SCUBE1: variants seen among roughly 807,000 people sequenced by gnomAD.
The protein encoded by SCUBE1 is signal peptide, CUB and EGF-like domain-containing protein 1.
Under a neutral mutation model 124.4 loss-of-function variants are expected in SCUBE1, and 59 were observed. The ratio of observed to expected loss-of-function variants is 0.47; its 90% CI spans 0.38 to 0.59. The LOEUF (loss-of-function observed/expected upper bound fraction) is 0.59. Among genes scored for constraint, SCUBE1 ranks in the 20% least tolerant of loss-of-function variants. The pLI, the probability that SCUBE1 is intolerant of heterozygous loss-of-function variation, is 0.00. For synonymous variants in SCUBE1, 545 were observed against 550.9 expected (o/e 0.99, Z 0.15); for missense variants, 1,150 against 1,371.2 (o/e 0.84, Z 2.55).
chr22:43,304,670 A>G (rs1483472125), intron 3 of SCUBE1, among the ~76,000 whole-genome samples: 1 of 152,092 alleles, frequency 6.6e-6, no homozygotes, highest in Non-Finnish European at 1.5e-5. Context: ...CATTTGACAG[A>G]GACTGCCTTT....
intron 6 of SCUBE1, among the ~76,000 whole-genome samples, chr22:43,254,775 G>A (rs1344549413): frequency 6.6e-6 from 1 of 152,250 alleles, no homozygotes; most frequent in African/African-American, 2.4e-5. Context: ...CAAAACAGCA[G>A]AACCGACTGA....
intron 2 of SCUBE1, among the ~76,000 whole-genome samples, chr22:43,321,091 CA>C (rs1463760690): frequency 6.6e-6 from 1 of 152,212 alleles, no homozygotes; most frequent in Non-Finnish European, 1.5e-5. Context: ...GTGTCCCCCA[CA>C]GGGGAACTGG....
At chr22:43,230,456 G>A (rs891289325) in intron 8 of SCUBE1, among the ~76,000 whole-genome samples, 2 of 152,110 alleles carry the variant, frequency 1.3e-5, no homozygotes, top group African/African-American at 4.8e-5. Flanking sequence ...AGATACAGGT[G>A]GGGGTGGGGC....
rs1230514611 is a variant in SCUBE1 at position 43,198,428 on chromosome 22, C to T, written c.*5569G>A. 2.5e-6 allele frequency: 1 copy of T among 401,196 alleles called. No homozygotes were observed. The highest frequency in any genetic ancestry group is 5.1e-6 in the Non-Finnish European group (1 of 197,316). 24.9% of individuals were successfully genotyped at this position (401,196 alleles called of 1,614,324 possible). A position where few individuals can be genotyped will look rare whatever the true frequency, so the allele number is the denominator to read the frequency against. ...CCTGATGTCCTTTCCAAGAGCAAGG[C>T]AGGTGGGATCAGGCCAACCCCAGCT... On this transcript the variant is annotated 3_prime_UTR_variant, in exon 22 of 22. Coordinates refer to ENST00000360835, the MANE Select transcript of SCUBE1 (RefSeq NM_173050.5).
chr22:43,224,135 C>T (rs1922212949), intron 10 of SCUBE1, among the ~76,000 whole-genome samples: 1 of 152,230 alleles, frequency 6.6e-6, no homozygotes, highest in African/African-American at 2.4e-5. Flanking sequence ...GAGGTTCCTC[C>T]AAGATTGTTT....
At chr22:43,261,518 T>TG (rs1038044974) in intron 5 of SCUBE1, among the ~76,000 whole-genome samples, 10 of 152,142 alleles carry the variant, frequency 6.6e-5, no homozygotes, top group African/African-American at 2.4e-4. Context: ...GGGAAAGGTA[T>TG]GGCAAGGCAC....
At chr22:43,339,327 C>T (rs1447353072) in intron 1 of SCUBE1, 92 bp from the exon 2 acceptor site, 2 of 1,304,350 alleles carry the variant, frequency 1.5e-6, no homozygotes, top group Non-Finnish European at 2.1e-6. Context: ...CTTGCCTTTG[C>T]CCGTCCATTG....
intron 2 of SCUBE1, among the ~76,000 whole-genome samples, chr22:43,337,774 C>G (rs1927132619): frequency 1.3e-5 from 2 of 152,204 alleles, no homozygotes; most frequent in Admixed American, 1.3e-4. Context: ...GCATCGCCCA[C>G]AAAACTCTAG....
At chr22:43,280,542 CCTGTCCCTTCCCCTCACCCATCCTG>C (rs1569009559) in intron 4 of SCUBE1, among the ~76,000 whole-genome samples, 2 of 69,746 alleles carry the variant, frequency 2.9e-5, no homozygotes, top group Non-Finnish European at 5.1e-5. Flanking sequence ...CACCCATCCT[CCTGTCCCTTCCCCTCACCCATCCTG>C]CTGTCCCTTC....
intron 4 of SCUBE1, among the ~76,000 whole-genome samples, chr22:43,265,334 T>C (rs1924022112): frequency 6.6e-6 from 1 of 152,212 alleles, no homozygotes; most frequent in African/African-American, 2.4e-5. Flanking sequence ...GACTATGGAC[T>C]GCAGTAACCC....
At chr22:43,214,051 A>ACCCCCCCC in intron 16 of SCUBE1, 39 bp downstream of exon 16, 3 of 137,778 alleles carry the variant, frequency 2.2e-5, no homozygotes, top group South Asian at 9.4e-5. Context: ...GCCCCCGCCC[A>ACCCCCCCC]CCCCCCACCC....
chr22:43,319,455 T>A (rs1926465912), intron 3 of SCUBE1, among the ~76,000 whole-genome samples: 2 of 143,320 alleles, frequency 1.4e-5, no homozygotes, highest in Non-Finnish European at 3.0e-5. Flanking sequence ...CCCAGCTACT[T>A]GGGAGGCTGA....
intron 6 of SCUBE1, among the ~76,000 whole-genome samples, chr22:43,247,368 C>T (rs978380918): frequency 2.2e-4 from 34 of 152,298 alleles, no homozygotes; most frequent in African/African-American, 7.2e-4. Flanking sequence ...GACTGAACCC[C>T]GGTCTGACTC....
Position 43,218,262 on chromosome 22 carries a change from G to A in SCUBE1, c.1884C>T (p.Ser628=). The part of the protein sequence containing the change: ...ACGAGQVLQD[S]KCVACGPGTH... ...CCATGGGCAAGGACTCACCGCATTT[G>A]CTGTCCTGTAGCACCTGGCCTGCGC... is the stretch of plus-strand genomic sequence containing the variant. The change falls in exon 15 of 22, where the codon AGC becomes AGT. Residue 628 remains serine (S), a synonymous_variant. Coordinates refer to ENST00000360835, the MANE Select transcript of SCUBE1 (RefSeq NM_173050.5). 1 of 1,612,968 alleles carries A rather than the reference G, an allele frequency of 6.2e-7. No homozygotes were observed. Among genetic ancestry groups the A allele is most frequent in the South Asian group, 1.1e-5 (1 of 91,076 alleles).
chr22:43,248,330 C>A (rs1390009160), intron 6 of SCUBE1, among the ~76,000 whole-genome samples: 1 of 152,170 alleles, frequency 6.6e-6, no homozygotes, highest in African/African-American at 2.4e-5. Flanking sequence ...GGCCACAGCC[C>A]CTCTAGGCTT....
Position 43,231,874 on chromosome 22 carries a change from G to A in SCUBE1, c.846C>T (p.Asp282=). The change falls in exon 8 of 22, where the codon GAC becomes GAT. Residue 282 remains aspartate, a splice_region_variant and synonymous_variant. Transcript: ENST00000360835. The stretch of plus-strand genomic sequence containing the variant: ...CGTTGTTGACCAGGCACTCGTTGAT[G>A]TCTGTGGGAGCCAAGGGGGATGGAG... ...TLQPDGKTCK[D]INECLVNNGG... 2.5e-6 allele frequency: 4 copies of A among 1,612,956 alleles called. 1 individual carries two copies. Among genetic ancestry groups the A allele is most frequent in the South Asian group, 2.2e-5 (2 of 91,072 alleles).
At chr22:43,307,771 C>T (rs981368546) in intron 3 of SCUBE1, among the ~76,000 whole-genome samples, 21 of 152,198 alleles carry the variant, frequency 1.4e-4, no homozygotes, top group African/African-American at 4.6e-4. Flanking sequence ...TGCTATAAAC[C>T]CCACAGCATC....
At chr22:43,286,865 C>G (rs1157529482) in intron 4 of SCUBE1, among the ~76,000 whole-genome samples, 1 of 152,244 alleles carries the variant, frequency 6.6e-6, no homozygotes, top group East Asian at 1.9e-4. Context: ...ACCCTTTCTA[C>G]TCCCGGATCG....
intron 3 of SCUBE1, among the ~76,000 whole-genome samples, chr22:43,302,276 G>A (rs911035315): frequency 1.3e-5 from 2 of 152,228 alleles, no homozygotes; most frequent in South Asian, 2.1e-4. Context: ...GCAGCTCAGC[G>A]TCTCCTCCTG....
Sources: gnomAD v4.1 joint callset for allele counts (sites outside exome capture counted in the v4.1 genomes callset) on GRCh38, gnomAD v4.1.1 for gene constraint, MANE v1.5 for transcripts, NCBI Gene and HGNC (gene_info 2026-07-23, HGNC 2026-07-21) for gene names.